VWA8: variants seen among roughly 807,000 people sequenced by gnomAD.
The protein encoded by VWA8 is von Willebrand factor A domain containing 8, also known as von Willebrand factor A domain-containing protein 8.
A neutral mutation model predicts 241.5 loss-of-function variants in VWA8; 221 were observed. The ratio of observed to expected loss-of-function variants is 0.91; its 90% CI spans 0.82 to 1.02. The LOEUF (loss-of-function observed/expected upper bound fraction) is 1.02, where lower values mean the gene tolerates loss of function less well. Among genes scored for constraint, VWA8 ranks in the 50% least tolerant of loss-of-function variants. VWA8 has a pLI of 0.00. For synonymous variants in VWA8, 852 were observed against 827.1 expected (o/e 1.03, Z -0.52); for missense variants, 2,322 against 2,328.7 (o/e 1.00, Z 0.06).
At chr13:41,894,185 G>T (rs964682734) in intron 4 of VWA8, among the ~76,000 whole-genome samples, 1 of 152,198 alleles carries the variant, frequency 6.6e-6, no homozygotes, top group African/African-American at 2.4e-5. Context: ...AAAAAGCAAA[G>T]TCTTGACAAC....
chr13:41,680,357 A>C (rs1282975896), intron 35 of VWA8, among the ~76,000 whole-genome samples: 2 of 152,162 alleles, frequency 1.3e-5, no homozygotes, highest in Non-Finnish European at 2.9e-5. Context: ...AGGCCTGTGC[A>C]TGGCTGTTAC....
At chr13:41,939,548 G>A (rs1191485132) in intron 2 of VWA8, among the ~76,000 whole-genome samples, 3 of 152,114 alleles carry the variant, frequency 2.0e-5, no homozygotes, top group Non-Finnish European at 2.9e-5. Context: ...ATGCTGCACT[G>A]GGGAAGATGT....
chr13:41,571,297 T>TCTCCCTCTCCCTA (rs2044300499), intron 43 of VWA8, among the ~76,000 whole-genome samples: 1 of 140,180 alleles, frequency 7.1e-6, no homozygotes, highest in Admixed American at 7.0e-5. Context: ...CCCTCTCCCG[T>TCTCCCTCTCCCTA]CTCCCTCTCC....
At chr13:41,803,707 G>A (rs1948893517) in intron 17 of VWA8, among the ~76,000 whole-genome samples, 1 of 152,150 alleles carries the variant, frequency 6.6e-6, no homozygotes. Flanking sequence ...ATTTGGGTGG[G>A]GACACAGCCA....
intron 35 of VWA8, among the ~76,000 whole-genome samples, chr13:41,684,454 T>C (rs892275487): frequency 9.9e-5 from 15 of 152,158 alleles, no homozygotes; most frequent in African/African-American, 3.4e-4. Flanking sequence ...GATTAGAAGA[T>C]TGTGGTGCAA....
chr13:41,774,411 G>A (rs1286527000), intron 20 of VWA8, among the ~76,000 whole-genome samples: 4 of 152,168 alleles, frequency 2.6e-5, no homozygotes, highest in Admixed American at 6.5e-5. Context: ...CCAAAGTGCT[G>A]GGATTACAGG....
At chr13:41,818,051 C>G (rs895911655) in intron 15 of VWA8, among the ~76,000 whole-genome samples, 1 of 151,240 alleles carries the variant, frequency 6.6e-6, no homozygotes, top group Non-Finnish European at 1.5e-5. Context: ...CAACCTCCAT[C>G]TCCCAGGTTC....
intron 34 of VWA8, among the ~76,000 whole-genome samples, chr13:41,685,603 C>G (rs1286760183): frequency 6.6e-6 from 1 of 152,140 alleles, no homozygotes; most frequent in Non-Finnish European, 1.5e-5. Flanking sequence ...GGATGTGGTA[C>G]AGGAAGGAGG....
intron 40 of VWA8, among the ~76,000 whole-genome samples, chr13:41,601,293 T>G (rs1169497115): frequency 1.3e-5 from 2 of 152,102 alleles, no homozygotes; most frequent in African/African-American, 4.8e-5. Flanking sequence ...AAGCCCAGAA[T>G]TTTCTTAGTA....
At chr13:41,727,537 CTCTTATAT>C (rs1486618899) in intron 23 of VWA8, among the ~76,000 whole-genome samples, 1 of 152,080 alleles carries the variant, frequency 6.6e-6, no homozygotes, top group Non-Finnish European at 1.5e-5. Context: ...GGGACTTGCA[CTCTTATAT>C]ACCTTCAGAG....
At position 41,961,023 on chromosome 13, in the gene VWA8, G is replaced by C; in HGVS notation, c.-8C>G. 2 of 1,364,872 alleles carry C rather than the reference G, an allele frequency of 1.5e-6. No homozygotes were observed. Among genetic ancestry groups the C allele is most frequent in the Non-Finnish European group, 9.4e-7 (1 of 1,066,124 alleles). The allele number at this position is 1,364,872 out of a possible 1,614,324, so 84.5% of individuals were successfully genotyped here. A position where few individuals can be genotyped will look rare whatever the true frequency, so the allele number is the denominator to read the frequency against. Reference sequence around the variant, plus strand: ...TAGAAGCCGGGATTGCATGGCGCCGGGGGGGCTGTCGGGGACGGCGAGGGG... The same window carrying C: ...TAGAAGCCGGGATTGCATGGCGCCGCGGGGGCTGTCGGGGACGGCGAGGGG... On this transcript the variant is annotated 5_prime_UTR_variant, in exon 1 of 45. Coordinates refer to ENST00000379310, the MANE Select transcript of VWA8 (RefSeq NM_015058.2).
At chr13:41,733,677 T>C (rs994195033) in intron 21 of VWA8, among the ~76,000 whole-genome samples, 2 of 152,074 alleles carry the variant, frequency 1.3e-5, no homozygotes, top group African/African-American at 4.8e-5. Context: ...CTGCTATGTG[T>C]TCCCCTTGTG....
chr13:41,959,488 A>C (rs1593898568), intron 1 of VWA8, among the ~76,000 whole-genome samples: 1 of 146,688 alleles, frequency 6.8e-6, no homozygotes, highest in South Asian at 2.2e-4. Context: ...GTAATTGAGA[A>C]AAAGCAAAAA....
chr13:41,898,764 C>G (rs1875270240), intron 4 of VWA8, among the ~76,000 whole-genome samples: 1 of 151,528 alleles, frequency 6.6e-6, no homozygotes, highest in South Asian at 2.1e-4. Context: ...TCGAGCGCAG[C>G]GCCGGTGGGC....
At chr13:41,703,546 T>C (rs1258739520) in intron 26 of VWA8, 135 bp from the exon 27 acceptor site, 2 of 664,962 alleles carry the variant, frequency 3.0e-6, no homozygotes, top group African/African-American at 3.6e-5. Context: ...TACATCATTT[T>C]ATTAAACGAC....
chr13:41,721,327 AAG>A (rs1401986381), intron 25 of VWA8, 41 bp downstream of exon 25: 1 of 1,600,204 alleles, frequency 6.2e-7, no homozygotes, highest in Non-Finnish European at 8.5e-7. Flanking sequence ...AAAAATAAAA[AAG>A]AGAGTGATGG....
chr13:41,815,941 A>G (rs946586017), intron 16 of VWA8, among the ~76,000 whole-genome samples: 1 of 152,246 alleles, frequency 6.6e-6, no homozygotes, highest in Non-Finnish European at 1.5e-5. Context: ...TTAAGTAAAG[A>G]CAGCAGGAAA....
chr13:41,786,931 A>T (rs559057597), intron 18 of VWA8, among the ~76,000 whole-genome samples: 1 of 152,176 alleles, frequency 6.6e-6, no homozygotes, highest in South Asian at 2.1e-4. Context: ...CCAGAAGAAA[A>T]GTACCACAAA....
chr13:41,898,076 C>G (rs1005601853), intron 4 of VWA8, among the ~76,000 whole-genome samples: 4 of 152,130 alleles, frequency 2.6e-5, no homozygotes, highest in African/African-American at 2.4e-5. Flanking sequence ...TACAGAGTGT[C>G]GATTGGTGCA....
Sources: gnomAD v4.1 joint callset for allele counts (sites outside exome capture counted in the v4.1 genomes callset) on GRCh38, gnomAD v4.1.1 for gene constraint, MANE v1.5 for transcripts, NCBI Gene and HGNC (gene_info 2026-07-23, HGNC 2026-07-21) for gene names.